PRSS23: variants seen among roughly 807,000 people sequenced by gnomAD.
The protein encoded by PRSS23 is serine protease 23, also known as protease, serine 23.
PRSS23 carries 25 observed loss-of-function variants against 34.7 expected under a neutral mutation model. The observed-to-expected ratio is 0.72, with a 90% CI of 0.53 to 1.01. PRSS23 has a LOEUF of 1.01. PRSS23 is among the 50% of genes least tolerant of loss of function. The probability of loss-of-function intolerance (pLI) is 0.00; values close to 1 mark genes in which losing one functional copy is unlikely to be tolerated. For synonymous variants in PRSS23, 176 were observed against 186.6 expected (o/e 0.94, Z 0.46); for missense variants, 445 against 475.6 (o/e 0.94, Z 0.60).
chr11:86,935,035 G>C (rs1285834855), intron 2 of PRSS23: 1 of 152,156 alleles, frequency 6.6e-6, no homozygotes, highest in Admixed American at 6.5e-5. Flanking sequence ...TCTGATAATT[G>C]CAATTCAGCA....
intron 2 of PRSS23, among the ~76,000 whole-genome samples, chr11:86,913,852 A>C (rs996941251): frequency 6.6e-6 from 1 of 151,332 alleles, no homozygotes; most frequent in East Asian, 1.9e-4. Flanking sequence ...GAGTGATAGG[A>C]CAACAGGGTA....
intron 2 of PRSS23, among the ~76,000 whole-genome samples, chr11:86,893,251 C>T (rs982232119): frequency 2.0e-5 from 3 of 152,184 alleles, no homozygotes; most frequent in African/African-American, 7.2e-5. Flanking sequence ...GACTTCTGGC[C>T]TCCAGAAGTA....
chr11:86,882,024 A>G (rs1948775635), intron 2 of PRSS23, among the ~76,000 whole-genome samples: 1 of 152,066 alleles, frequency 6.6e-6, no homozygotes, highest in Non-Finnish European at 1.5e-5. Flanking sequence ...ATGTTTGTCA[A>G]TTTGGTTGAT....
At chr11:86,806,239 T>C (rs1053173695) in intron 1 of PRSS23, among the ~76,000 whole-genome samples, 13 of 152,304 alleles carry the variant, frequency 8.5e-5, no homozygotes, top group Middle Eastern at 6.8e-3. Flanking sequence ...ATTCCCCAAA[T>C]TACTCACATG....
downstream of PRSS23, among the ~76,000 whole-genome samples, chr11:86,813,184 A>G (rs1373965314): frequency 2.6e-5 from 4 of 152,132 alleles, no homozygotes; most frequent in Non-Finnish European, 5.9e-5. Flanking sequence ...GCGCACCTTT[A>G]TCTAACAGAT....
chr11:86,944,062 A>T (rs1384317754), intron 2 of PRSS23, among the ~76,000 whole-genome samples: 1 of 152,012 alleles, frequency 6.6e-6, no homozygotes, highest in Non-Finnish European at 1.5e-5. Flanking sequence ...ATTCTTACAC[A>T]GTTCTGGAGG....
intron 2 of PRSS23, among the ~76,000 whole-genome samples, chr11:86,826,121 G>A (rs1358658407): frequency 6.6e-6 from 1 of 152,058 alleles, no homozygotes; most frequent in Non-Finnish European, 1.5e-5. Context: ...AGCATGGAAT[G>A]TTCTTCCATT....
chr11:86,891,857 T>C (rs1280661864), intron 2 of PRSS23, among the ~76,000 whole-genome samples: 1 of 152,160 alleles, frequency 6.6e-6, no homozygotes, highest in Admixed American at 6.5e-5. Context: ...TCATTCTCCT[T>C]CCTGCTGCCT....
chr11:86,934,746 TC>T (rs1949150001), intron 2 of PRSS23: 1 of 152,160 alleles, frequency 6.6e-6, no homozygotes, highest in African/African-American at 2.4e-5. Context: ...CATTCCCAGG[TC>T]CCCAAGATAG....
chr11:86,852,433 C>G (rs1054907513), intron 2 of PRSS23, among the ~76,000 whole-genome samples: 2 of 152,162 alleles, frequency 1.3e-5, no homozygotes, highest in Non-Finnish European at 2.9e-5. Context: ...TCCATTGAAG[C>G]TTTGGGGCTC....
chr11:86,829,227 G>C (rs1026191215), intron 2 of PRSS23, among the ~76,000 whole-genome samples: 1 of 151,934 alleles, frequency 6.6e-6, no homozygotes, highest in African/African-American at 2.4e-5. Context: ...TTCCCTTCTC[G>C]CTTCATTTCA....
intron 2 of PRSS23, chr11:86,946,865 G>A (rs1307533663): frequency 6.6e-6 from 1 of 152,236 alleles, no homozygotes; most frequent in Non-Finnish European, 1.5e-5. Context: ...ACTCTCTCCA[G>A]TGTCCTCCAT....
At chr11:86,844,825 C>T (rs989461744) in intron 2 of PRSS23, among the ~76,000 whole-genome samples, 1 of 152,302 alleles carries the variant, frequency 6.6e-6, no homozygotes, top group African/African-American at 2.4e-5. Flanking sequence ...CATGGCGGCT[C>T]ATGCCTGTAA....
chr11:86,837,869 A>C (rs1476523978), intron 2 of PRSS23, among the ~76,000 whole-genome samples: 1 of 152,226 alleles, frequency 6.6e-6, no homozygotes, highest in East Asian at 1.9e-4. Flanking sequence ...TGAGATCGAC[A>C]CAGAAGATGG....
intron 2 of PRSS23, chr11:86,833,415 T>A: frequency 1.7e-6 from 1 of 601,436 alleles, no homozygotes; most frequent in South Asian, 1.5e-5. Context: ...CTGAGAGTTC[T>A]AGGAGGAGGA....
chr11:86,913,656 GCT>G (rs1225462466), intron 2 of PRSS23, among the ~76,000 whole-genome samples: 3 of 151,668 alleles, frequency 2.0e-5, no homozygotes, highest in East Asian at 3.9e-4. Context: ...GTATTTGCAA[GCT>G]CCAGACTCTT....
chr11:86,910,254 T>C (rs1431840422), intron 2 of PRSS23: 1 of 152,200 alleles, frequency 6.6e-6, no homozygotes, highest in Non-Finnish European at 1.5e-5. Context: ...AATGGCAGTA[T>C]CTCATTAGAC....
chr11:86,868,404 G>T (rs1422931012), intron 2 of PRSS23, among the ~76,000 whole-genome samples: 2 of 152,198 alleles, frequency 1.3e-5, no homozygotes, highest in African/African-American at 4.8e-5. Flanking sequence ...GTTAAGAGCA[G>T]GGAAAGAGGT....
chr11:86,812,877 T>A (rs758582130), downstream of PRSS23, among the ~76,000 whole-genome samples: 40 of 151,996 alleles, frequency 2.6e-4, no homozygotes, highest in Admixed American at 9.8e-4. Flanking sequence ...GGGAAGATGA[T>A]GGCCTTGGAG....
Sources: allele counts gnomAD v4.1 joint callset (sites outside exome capture counted in the v4.1 genomes callset), GRCh38; gene constraint gnomAD v4.1.1; transcripts MANE v1.5; gene names NCBI Gene and HGNC (gene_info 2026-07-23, HGNC 2026-07-21).